CGN: variants seen among roughly 807,000 people sequenced by gnomAD.
The protein encoded by CGN is cingulin.
CGN carries 121 observed loss-of-function variants against 157.1 expected under a neutral mutation model. The observed-to-expected ratio is 0.77, with a 90% CI of 0.66 to 0.90. The LOEUF (loss-of-function observed/expected upper bound fraction) is 0.90. CGN is among the 40% of genes least tolerant of loss of function. CGN has a pLI of 0.00. For missense variants in CGN, 1,424 were observed against 1,520.9 expected, an observed-to-expected ratio of 0.94 and a Z score of 1.06; for synonymous variants, 535 against 607.5, an observed-to-expected ratio of 0.88 and a Z score of 1.76.
At chr1:151,513,119 T>C (rs372755143) in intron 1 of CGN, among the ~76,000 whole-genome samples, 1 of 152,224 alleles carries the variant, frequency 6.6e-6, no homozygotes, top group African/African-American at 2.4e-5. Flanking sequence ...CTGCCCTCTG[T>C]CCTCTCCTTC....
At position 151,519,178 on chromosome 1, in the gene CGN, C is replaced by T; in HGVS notation, c.659C>T (p.Pro220Leu). Residue 220 changes from proline to leucine, a missense_variant, in exon 2 of 21, where the codon CCA becomes CTA. This residue lies in a region of CGN where 1,187 missense variants were observed against 1,217.6 expected (regional missense o/e 0.97). Transcript: ENST00000271636. ...AGCAAGAGCCTGGACAGCCGCCTCC[C>T]ACGGGACACCTTTGAGGAACGGGAG... ...KRSKSLDSRL[P>L]RDTFEERERQ... The T allele has an allele frequency of 6.2e-7, 1 of 1,614,144 alleles. No individual in the cohort carries two copies. The highest frequency in any genetic ancestry group is 8.5e-7 in the Non-Finnish European group (1 of 1,180,044).
Position 151,537,433 on chromosome 1 carries a change from C to A in CGN, c.*87C>A. On this transcript the variant is annotated 3_prime_UTR_variant, in exon 21 of 21. Transcript: ENST00000271636. ...CTCTGCCCACCCTGGGTTCTGCATTCCTATGGGTGACCCAATTATTCAGAC... is the reference window on the plus strand; with the variant it reads ...CTCTGCCCACCCTGGGTTCTGCATTACTATGGGTGACCCAATTATTCAGAC... 1 of 1,235,800 alleles carries A rather than the reference C, an allele frequency of 8.1e-7. No homozygotes were observed. Among genetic ancestry groups the A allele is most frequent in the Non-Finnish European group, 1.1e-6 (1 of 888,562 alleles). The allele number at this position is 1,235,800 out of a possible 1,614,324, so 76.6% of individuals were successfully genotyped here.
intron 14 of CGN, 38 bp from the exon 15 acceptor site, chr1:151,533,937 C>A: frequency 6.4e-7 from 1 of 1,568,118 alleles, no homozygotes; most frequent in South Asian, 1.2e-5. Flanking sequence ...CTCACCTTCT[C>A]ACTACACTGA....
At position 151,524,433 on chromosome 1, in the gene CGN, T is replaced by A; in HGVS notation, c.1401+75T>A. 6.3e-7 allele frequency: 1 copy of A among 1,591,890 alleles called. No individual in the cohort carries two copies. Among genetic ancestry groups the A allele is most frequent in the Admixed American group, 1.8e-5 (1 of 56,338 alleles). On this transcript the variant is annotated intron_variant, in intron 7 of 20. Transcript: ENST00000271636. The surrounding 1 kb of genome is among the most constrained non-coding windows in gnomAD (Gnocchi z 4.4). ...CATCCTCAAGTCTGCTCATCCATGG[T>A]TTCCCCAAAGTATGAGGAGTGGGTG...
At chr1:151,530,381 C>T in intron 12 of CGN, 108 bp from the exon 13 acceptor site, 1 of 1,344,526 alleles carries the variant, frequency 7.4e-7, no homozygotes, top group Admixed American at 2.3e-5. Flanking sequence ...TTTCATTGCA[C>T]ATCATTTTCA....
Position 151,535,801 on chromosome 1 carries a change from T to C in CGN, c.3100T>C (p.Leu1034=). Residue 1034 remains leucine (L), a synonymous_variant, in exon 18 of 21, where the codon TTG becomes CTG. Coordinates refer to ENST00000271636, the MANE Select transcript of CGN (RefSeq NM_020770.3). ...TCAGAACAAGGACCTGAAGACCCGG[T>C]TGGCCAGCTCAGAAGGCTTCCAGAA... The part of the protein sequence containing the change: ...ERQNKDLKTR[L]ASSEGFQKPS... 1.2e-6 allele frequency: 2 copies of C among 1,614,180 alleles called. No homozygotes were observed. Among genetic ancestry groups the C allele is most frequent in the Non-Finnish European group, 1.7e-6 (2 of 1,180,022 alleles).
At chr1:151,520,790 G>T in intron 5 of CGN, 99 bp downstream of exon 5, 1 of 913,988 alleles carries the variant, frequency 1.1e-6, no homozygotes, top group Non-Finnish European at 1.7e-6. Context: ...AATGGAACAA[G>T]CATGTTTGTG....
rs777578389 is a variant in CGN, at chr1:151,519,001, C to T, written c.482C>T (p.Pro161Leu). The stretch of plus-strand genomic sequence containing the variant: ...AGCAACAGCATGCTGGAGCTAGCCC[C>T]GAAAGTGGCTTCCCCAGGTAGCACC... ...NRSNSMLELA[P>L]KVASPGSTID... Residue 161 changes from proline to leucine, a missense_variant, in exon 2 of 21, where the codon CCG becomes CTG. By Grantham distance (98) the Pro-to-Leu change is moderately conservative. Around this residue, in one of 3 missense-constraint regions of CGN, gnomAD observed 1,187 missense variants for 1,217.6 expected, o/e 0.97. Coordinates refer to ENST00000271636, the MANE Select transcript of CGN (RefSeq NM_020770.3). 8.1e-6 allele frequency: 13 copies of T among 1,614,078 alleles called. No homozygotes were observed. Among genetic ancestry groups the T allele is most frequent in the Admixed American group, 3.3e-5 (2 of 60,008 alleles).
At chr1:151,513,959 T>C (rs1274877145) in intron 1 of CGN, among the ~76,000 whole-genome samples, 1 of 152,062 alleles carries the variant, frequency 6.6e-6, no homozygotes, top group Admixed American at 6.5e-5. Context: ...GGCCCTGGAC[T>C]CCATGTTGCC....
chr1:151,536,986 CAT>C, intron 20 of CGN, 93 bp downstream of exon 20: 1 of 1,396,316 alleles, frequency 7.2e-7, no homozygotes, highest in Non-Finnish European at 9.7e-7. Context: ...GAATCTCTAA[CAT>C]GGTACTGTGT....
chr1:151,515,128 C>A (rs1445709988), intron 1 of CGN, among the ~76,000 whole-genome samples: 2 of 151,554 alleles, frequency 1.3e-5, no homozygotes, highest in African/African-American at 4.9e-5. Flanking sequence ...TCGGCCTCCC[C>A]AGTAGCTGGG....
rs11584880 is a variant in CGN, at chr1:151,511,501, C to T, written c.-29C>T. 8,772 of 171,386 alleles carry T rather than the reference C, an allele frequency of 0.051. 344 individuals are homozygous for T. Among genetic ancestry groups the T allele is most frequent in the Non-Finnish European group, 0.074 (6,073 of 81,680 alleles). The allele number at this position is 171,386 out of a possible 1,614,324, so 10.6% of individuals were successfully genotyped here. The stretch of plus-strand genomic sequence containing the variant: ...GAGCCCGAACGCAAGCCTGGGAGCG[C>T]GGAGCCCGGCTAGGGTGAGTGGACC... On this transcript the variant is annotated 5_prime_UTR_variant, in exon 1 of 21. Coordinates refer to ENST00000271636, the MANE Select transcript of CGN (RefSeq NM_020770.3). The surrounding 1 kb of genome is among the most constrained non-coding windows in gnomAD (Gnocchi z 4.8).
chr1:151,537,462 A>C lies in CGN; in HGVS notation c.*116A>C. ...TGGGTGACCCAATTATTCAGACCTA[A>C]GACAGGGAGGGGTCAGAGTGATGGT... On this transcript the variant is annotated 3_prime_UTR_variant, in exon 21 of 21. Transcript: ENST00000271636. 1.2e-6 allele frequency: 1 copy of C among 858,858 alleles called. No individual in the cohort carries two copies. Among genetic ancestry groups the C allele is most frequent in the Non-Finnish European group, 1.7e-6 (1 of 573,250 alleles). The allele number at this position is 858,858 out of a possible 1,614,324, so 53.2% of individuals were successfully genotyped here. A position where few individuals can be genotyped will look rare whatever the true frequency, so the allele number is the denominator to read the frequency against.
intron 14 of CGN, 87 bp downstream of exon 14, chr1:151,532,659 GCCCAGGCTGGA>G (rs1328051404): frequency 9.2e-7 from 1 of 1,087,370 alleles, no homozygotes; most frequent in African/African-American, 1.9e-5. Context: ...TCACTCTGTC[GCCCAGGCTGGA>G]GTTCAGTGGC....
At chr1:151,512,621 T>C (rs949426263) in intron 1 of CGN, among the ~76,000 whole-genome samples, 7 of 152,164 alleles carry the variant, frequency 4.6e-5, no homozygotes, top group African/African-American at 1.7e-4. Context: ...CAAATTTCTT[T>C]GCCTTAGGCA....
rs531171189 is a variant in CGN at position 151,529,359 on chromosome 1, C to T, written c.1906C>T (p.Arg636Trp). The change falls in exon 11 of 21, where the codon CGG becomes TGG. Residue 636 changes from arginine to tryptophan, a missense_variant. Transcript: ENST00000271636. ...TCCCGTTTCCTTCCAGGAGCTGCTC[C>T]GGACACAGGAGGAGCTTAAGGAACT... Reference protein sequence around the residue: ...QVEVLKKELLRTQEELKELQA... With the variant: ...QVEVLKKELLWTQEELKELQA... The T allele has an allele frequency of 1.7e-5, 27 of 1,613,528 alleles. No individual in the cohort carries two copies. Among genetic ancestry groups the T allele is most frequent in the Admixed American group, 8.3e-5 (5 of 59,990 alleles).
intron 8 of CGN, among the ~76,000 whole-genome samples, chr1:151,525,235 C>T (rs1664644700): frequency 1.3e-5 from 2 of 151,866 alleles, no homozygotes; most frequent in African/African-American, 4.8e-5. Context: ...CCATCTCTGC[C>T]AAAAATACAA....
Position 151,535,036 on chromosome 1 carries a change from TC to T in CGN, c.2905-4del. 6.2e-7 allele frequency: 1 copy of T among 1,609,310 alleles called. No individual in the cohort carries two copies. The highest frequency in any genetic ancestry group is 8.5e-7 in the Non-Finnish European group (1 of 1,175,902). ...TGGGACAGAATTACTTGTTCTTCTGTCCTAGGAAAAAGTCTCACGGCTGGAA... is the reference window on the plus strand; with the variant it reads ...TGGGACAGAATTACTTGTTCTTCTGTCTAGGAAAAAGTCTCACGGCTGGAA... On this transcript the variant is annotated splice_polypyrimidine_tract_variant and splice_region_variant and intron_variant, in intron 15 of 20. Coordinates refer to ENST00000271636, the MANE Select transcript of CGN (RefSeq NM_020770.3).
Position 151,518,718 on chromosome 1 carries a change from G to T in CGN, c.199G>T (p.Val67Leu), listed in dbSNP as rs753209352. ...VQGIAGQPFV[V>L]LNSGEKGGDS... Reference sequence around the variant, plus strand: ...GGGAATCGCTGGGCAGCCCTTTGTGGTGCTCAACAGTGGGGAGAAAGGCGG... The same window carrying T: ...GGGAATCGCTGGGCAGCCCTTTGTGTTGCTCAACAGTGGGGAGAAAGGCGG... The change falls in exon 2 of 21, where the codon GTG becomes TTG. Residue 67 changes from valine (V) to leucine (L), a missense_variant. Val to Leu is a conservative substitution (Grantham distance 32). Transcript: ENST00000271636. 6.2e-7 allele frequency: 1 copy of T among 1,614,172 alleles called. No individual in the cohort carries two copies.
Sources: allele counts gnomAD v4.1 joint callset (sites outside exome capture counted in the v4.1 genomes callset), GRCh38; gene constraint gnomAD v4.1.1; regional missense constraint gnomAD v4.1.1; non-coding constraint Gnocchi (gnomAD v3.1); transcripts MANE v1.5; gene names NCBI Gene and HGNC (gene_info 2026-07-23, HGNC 2026-07-21).